The following NCOA2 variants were observed in gnomAD, a reference collection of about 807,000 sequenced individuals.
The protein encoded by NCOA2 is class E basic helix-loop-helix protein 75.
NCOA2 carries 21 observed loss-of-function variants against 145.1 expected under a neutral mutation model. That is an observed-to-expected ratio of 0.14 (90% CI 0.10 to 0.21). The LOEUF (loss-of-function observed/expected upper bound fraction) is 0.21, where lower values mean the gene tolerates loss of function less well. Ranked by LOEUF, NCOA2 falls within the 10% of genes least tolerant of loss-of-function variation. NCOA2 has a pLI of 1.00. For missense variants in NCOA2, 1,472 were observed against 1,837.6 expected (o/e 0.80, Z 3.64); for synonymous variants, 619 against 637.5 (o/e 0.97, Z 0.44).
At chr8:70,390,033 T>C (rs1813045929) in intron 1 of NCOA2, among the ~76,000 whole-genome samples, 3 of 152,232 alleles carry the variant, frequency 2.0e-5, no homozygotes. Flanking sequence ...AAGTTCATAG[T>C]CACCTTAAAA....
intron 11 of NCOA2, among the ~76,000 whole-genome samples, chr8:70,155,619 T>C (rs1253639376): frequency 6.6e-6 from 1 of 152,256 alleles, no homozygotes; most frequent in African/African-American, 2.4e-5. Flanking sequence ...CTATAAGCAA[T>C]GTTTTATCGG....
At chr8:70,192,578 A>G (rs911690083) in intron 4 of NCOA2, among the ~76,000 whole-genome samples, 1 of 152,202 alleles carries the variant, frequency 6.6e-6, no homozygotes, top group Admixed American at 6.5e-5. Flanking sequence ...CAAAGGGAGG[A>G]GCCAGGACAC....
At chr8:70,321,301 T>A (rs1343783388) in intron 1 of NCOA2, among the ~76,000 whole-genome samples, 1 of 152,092 alleles carries the variant, frequency 6.6e-6, no homozygotes, top group East Asian at 1.9e-4. Context: ...TTATTCCACA[T>A]TATATTCATA....
At chr8:70,321,258 A>C (rs1024188520) in intron 1 of NCOA2, among the ~76,000 whole-genome samples, 1 of 152,238 alleles carries the variant, frequency 6.6e-6, no homozygotes, top group African/African-American at 2.4e-5. Context: ...TAAAGTTTTC[A>C]AAATGAGGGA....
At chr8:70,225,866 T>C (rs1299095340) in intron 2 of NCOA2, among the ~76,000 whole-genome samples, 6 of 152,220 alleles carry the variant, frequency 3.9e-5, no homozygotes, top group African/African-American at 1.4e-4. Flanking sequence ...TGGCAAGTTA[T>C]TTAATTAACC....
At chr8:70,195,608 G>T (rs1817211671) in intron 4 of NCOA2, among the ~76,000 whole-genome samples, 1 of 152,168 alleles carries the variant, frequency 6.6e-6, no homozygotes, top group Admixed American at 6.5e-5. Flanking sequence ...CTTTTGGCTT[G>T]TAATATTAAT....
chr8:70,340,834 AAAAC>A (rs1283503936), intron 1 of NCOA2, among the ~76,000 whole-genome samples: 4 of 152,218 alleles, frequency 2.6e-5, no homozygotes, highest in Non-Finnish European at 4.4e-5. Context: ...CAGGAACAGA[AAAAC>A]AAACACCGCA....
chr8:70,439,408 C>G, the NCOA2 span, among the ~76,000 whole-genome samples: 1 of 152,130 alleles, frequency 6.6e-6, no homozygotes, highest in Admixed American at 6.5e-5. Context: ...AGAGGTGACC[C>G]TTGAGCTGAG....
chr8:70,378,136 T>A (rs1293065702), intron 1 of NCOA2, among the ~76,000 whole-genome samples: 4 of 152,112 alleles, frequency 2.6e-5, no homozygotes, highest in Non-Finnish European at 4.4e-5. Flanking sequence ...ACACAGCATA[T>A]AAACCACCTT....
Position 70,113,411 on chromosome 8 carries a change from C to T in NCOA2, c.*221G>A, listed in dbSNP as rs940460991. The T allele has an allele frequency of 5.0e-6, 3 of 594,248 alleles. No individual in the cohort carries two copies. The highest frequency in any genetic ancestry group is 3.7e-5 in the African/African-American group (2 of 53,772). 36.8% of individuals were successfully genotyped at this position (594,248 alleles called of 1,614,324 possible). ...AGGTGAATGCAGTGAACAGACTGAG[C>T]GACTGTCTGGATGCGAGCTTCAGAC... On this transcript the variant is annotated 3_prime_UTR_variant, in exon 23 of 23. Coordinates refer to ENST00000452400, the MANE Select transcript of NCOA2 (RefSeq NM_006540.4).
chr8:70,248,815 G>C (rs1822842784), intron 2 of NCOA2, among the ~76,000 whole-genome samples: 1 of 150,868 alleles, frequency 6.6e-6, no homozygotes, highest in South Asian at 2.1e-4. Flanking sequence ...TATTTTCTGA[G>C]GTTGGCCGAA....
chr8:70,148,170 C>T, intron 12 of NCOA2, 103 bp downstream of exon 12: 1 of 1,173,016 alleles, frequency 8.5e-7, no homozygotes, highest in Non-Finnish European at 1.3e-6. Flanking sequence ...ATCACAAAAA[C>T]CTTAAAGTGA....
At chr8:70,126,516 C>T (rs576693955) in intron 19 of NCOA2, 23 of 410,018 alleles carry the variant, frequency 5.6e-5, no homozygotes, top group South Asian at 1.8e-4. Flanking sequence ...GATCCATACA[C>T]GCTCGCACAC....
chr8:70,361,247 G>A (rs1288512643), intron 1 of NCOA2, among the ~76,000 whole-genome samples: 2 of 152,088 alleles, frequency 1.3e-5, no homozygotes, highest in Non-Finnish European at 2.9e-5. Flanking sequence ...CCAGCGCAGT[G>A]ACTCATGCCT....
the NCOA2 span, among the ~76,000 whole-genome samples, chr8:70,441,792 GAA>G: frequency 2.1e-3 from 33 of 15,436 alleles, no homozygotes; most frequent in Admixed American, 4.4e-3. Context: ...GAGAAAGAAA[GAA>G]AGAAAGAAAG....
intron 2 of NCOA2, among the ~76,000 whole-genome samples, chr8:70,217,429 G>A (rs552432224): frequency 2.6e-5 from 4 of 152,108 alleles, no homozygotes; most frequent in East Asian, 3.9e-4. Flanking sequence ...GTGGCAGCTC[G>A]CCTCCCTGCA....
Position 70,111,889 on chromosome 8 carries a change from G to T in NCOA2, c.*1743C>A, listed in dbSNP as rs993249066. 1 of 221,676 alleles carries T rather than the reference G, an allele frequency of 4.5e-6. No individual in the cohort carries two copies. The highest frequency in any genetic ancestry group is 2.2e-5 in the African/African-American group (1 of 44,704). The allele number at this position is 221,676 out of a possible 1,614,324, so 13.7% of individuals were successfully genotyped here. A position where few individuals can be genotyped will look rare whatever the true frequency, so the allele number is the denominator to read the frequency against. Reference sequence around the variant, plus strand: ...TGCTTTGCTTTTTAGACATCAAAAAGATATCATTCTGAAATTTAGGTAAGA... The same window carrying T: ...TGCTTTGCTTTTTAGACATCAAAAATATATCATTCTGAAATTTAGGTAAGA... On this transcript the variant is annotated 3_prime_UTR_variant, in exon 23 of 23. Transcript: ENST00000452400.
chr8:70,450,938 TG>T, the NCOA2 span, among the ~76,000 whole-genome samples: 2 of 150,088 alleles, frequency 1.3e-5, no homozygotes, highest in Non-Finnish European at 3.0e-5. Flanking sequence ...TAGAACTGGC[TG>T]GGCACAGTGG....
At chr8:70,159,381 A>T in intron 10 of NCOA2, 124 bp downstream of exon 10, 1 of 883,458 alleles carries the variant, frequency 1.1e-6, no homozygotes, top group Non-Finnish European at 1.6e-6. Flanking sequence ...TTTATATTTT[A>T]CATTACTGGG....
Sources: gnomAD v4.1 joint callset for allele counts (sites outside exome capture counted in the v4.1 genomes callset) on GRCh38, gnomAD v4.1.1 for gene constraint, MANE v1.5 for transcripts, NCBI Gene and HGNC (gene_info 2026-07-23, HGNC 2026-07-21) for gene names.